The following GUCY1A2 variants were observed in gnomAD, a reference collection of about 807,000 sequenced individuals.
GUCY1A2 encodes the protein guanylate cyclase soluble subunit alpha-2.
A neutral mutation model predicts 63.5 loss-of-function variants in GUCY1A2; 27 were observed. The observed-to-expected ratio is 0.43, with a 90% CI of 0.31 to 0.59. The LOEUF (loss-of-function observed/expected upper bound fraction) is 0.59, where lower values mean the gene tolerates loss of function less well. Ranked by LOEUF, GUCY1A2 falls within the 20% of genes least tolerant of loss-of-function variation. GUCY1A2 has a pLI of 0.11. For missense variants in GUCY1A2, 768 were observed against 913.3 expected (o/e 0.84, Z 2.05); for synonymous variants, 364 against 343.5 (o/e 1.06, Z -0.66).
At chr11:106,897,471 AAT>A (rs1178401065) in intron 4 of GUCY1A2, among the ~76,000 whole-genome samples, 2 of 152,270 alleles carry the variant, frequency 1.3e-5, no homozygotes, top group East Asian at 3.9e-4. Context: ...CAGAAATCAA[AAT>A]AGAGTGGTAT....
chr11:106,994,619 C>T (rs778278214), intron 1 of GUCY1A2, among the ~76,000 whole-genome samples: 5 of 152,132 alleles, frequency 3.3e-5, no homozygotes, highest in Non-Finnish European at 7.4e-5. Flanking sequence ...TTTAATTATC[C>T]ACATTTCACG....
At chr11:106,735,129 T>C (rs1446416498) in intron 6 of GUCY1A2, among the ~76,000 whole-genome samples, 3 of 152,134 alleles carry the variant, frequency 2.0e-5, no homozygotes, top group African/African-American at 7.2e-5. Flanking sequence ...TAATCATTTA[T>C]TTGAGTTATA....
chr11:106,693,961 A>G (rs931364570), intron 7 of GUCY1A2, among the ~76,000 whole-genome samples: 1 of 152,154 alleles, frequency 6.6e-6, no homozygotes, highest in African/African-American at 2.4e-5. Context: ...AAGGCATTCA[A>G]CAAATTACTA....
intron 3 of GUCY1A2, among the ~76,000 whole-genome samples, chr11:106,970,277 T>G (rs931018312): frequency 6.6e-6 from 1 of 152,180 alleles, no homozygotes; most frequent in African/African-American, 2.4e-5. Flanking sequence ...CATTTCCCAG[T>G]GAATAAATGC....
At chr11:107,000,317 C>A (rs560099762) in intron 1 of GUCY1A2, among the ~76,000 whole-genome samples, 39 of 152,202 alleles carry the variant, frequency 2.6e-4, no homozygotes, top group Non-Finnish European at 4.1e-4. Context: ...TCTTCTCCAA[C>A]TTCCACACTA....
rs1379010007 is a variant in GUCY1A2 at position 106,675,305 on chromosome 11, C to T, written c.*12244G>A. The T allele has an allele frequency of 5.1e-6, 1 of 194,482 alleles. No individual in the cohort carries two copies. The highest frequency in any genetic ancestry group is 1.1e-5 in the Non-Finnish European group (1 of 94,274). The allele number at this position is 194,482 out of a possible 1,614,324, so 12.0% of individuals were successfully genotyped here. On this transcript the variant is annotated 3_prime_UTR_variant, in exon 8 of 8. Transcript: ENST00000526355. ...TTTTTTTAAATAAAGAAAAACCTTT[C>T]CATCCAACTTGAAGAAAAATCAGAA... is the stretch of plus-strand genomic sequence containing the variant.
intron 4 of GUCY1A2, among the ~76,000 whole-genome samples, chr11:106,885,451 T>A (rs1305329870): frequency 6.6e-6 from 1 of 152,068 alleles, no homozygotes; most frequent in Non-Finnish European, 1.5e-5. Flanking sequence ...TGGGAAAAAA[T>A]TCTCGAATGC....
chr11:106,873,592 C>T (rs1859710292), intron 4 of GUCY1A2, among the ~76,000 whole-genome samples: 1 of 152,056 alleles, frequency 6.6e-6, no homozygotes, highest in Non-Finnish European at 1.5e-5. Context: ...TGTTCATATC[C>T]TTTGCCCACT....
rs781424682 is a variant in GUCY1A2, at chr11:106,776,446, G to C, written c.1829C>G (p.Pro610Arg). Residue 610 changes from proline to arginine, a missense_variant, in exon 6 of 8, where the codon CCG becomes CGG. Coordinates refer to ENST00000526355, the MANE Select transcript of GUCY1A2 (RefSeq NM_000855.3). ...GATTGTTGGGAGGGTTACCTGAATC[G>C]GTCTTCCATCAGGTGTCAGCACCTC... ...SEEVLTPDGR[P>R]IQMRIGIHSG... 1.9e-5 allele frequency: 31 copies of C among 1,612,464 alleles called. No homozygotes were observed. The Admixed American group carries it at 3.8e-4, about 20-fold the overall frequency.
chr11:106,930,158 T>C (rs1175303042), intron 4 of GUCY1A2, among the ~76,000 whole-genome samples: 3 of 152,200 alleles, frequency 2.0e-5, no homozygotes, highest in Non-Finnish European at 4.4e-5. Context: ...TAAACATATT[T>C]GTGGAAGTCA....
At chr11:106,885,575 C>T (rs912227242) in intron 4 of GUCY1A2, among the ~76,000 whole-genome samples, 1 of 152,006 alleles carries the variant, frequency 6.6e-6, no homozygotes, top group African/African-American at 2.4e-5. Context: ...ACTATTATTG[C>T]CTTCCATTAC....
At chr11:106,714,194 G>C (rs761825876) in intron 6 of GUCY1A2, among the ~76,000 whole-genome samples, 12 of 151,774 alleles carry the variant, frequency 7.9e-5, no homozygotes, top group Non-Finnish European at 1.8e-4. Context: ...ATATCCTTGA[G>C]GGGGCAGAGG....
chr11:106,788,273 A>G (rs1344294789), intron 5 of GUCY1A2, among the ~76,000 whole-genome samples: 4 of 151,502 alleles, frequency 2.6e-5, no homozygotes. Context: ...AGCTCCTTAC[A>G]TATTCTGGTT....
At chr11:106,990,792 A>C (rs1333135416) in intron 1 of GUCY1A2, among the ~76,000 whole-genome samples, 1 of 152,190 alleles carries the variant, frequency 6.6e-6, no homozygotes. Flanking sequence ...GATGCCTTTG[A>C]GGCTCCCTCT....
intron 7 of GUCY1A2, among the ~76,000 whole-genome samples, chr11:106,698,138 T>TTTTTTTTTG (rs1555020237): frequency 4.1e-5 from 6 of 145,866 alleles, no homozygotes; most frequent in Non-Finnish European, 6.0e-5. Flanking sequence ...TTTTTTTTTT[T>TTTTTTTTTG]AGACAGGGTC....
In GUCY1A2 at chr11:106,917,647, C is replaced by T. The variant is rs1035787025; in HGVS notation, c.1206+21813G>A. On this transcript the variant is annotated intron_variant, in intron 4 of 7. Coordinates refer to ENST00000526355, the MANE Select transcript of GUCY1A2 (RefSeq NM_000855.3). ...GATGAGTTCATGTCCTTTGTAGGGACGTGGATGAAGCTGGAAACCATCATT... is the reference window on the plus strand; with the variant it reads ...GATGAGTTCATGTCCTTTGTAGGGATGTGGATGAAGCTGGAAACCATCATT... 4.2e-5 allele frequency among the ~76,000 whole-genome samples: 6 copies of T among 143,164 alleles called. 1 individual carries two copies. The Admixed American group carries it at 4.2e-4, about 10-fold the overall frequency. 93.9% of individuals were successfully genotyped at this position (143,164 alleles called of 152,430 possible).
At chr11:106,926,051 G>T (rs950047308) in intron 4 of GUCY1A2, among the ~76,000 whole-genome samples, 23 of 152,106 alleles carry the variant, frequency 1.5e-4, no homozygotes, top group African/African-American at 5.6e-4. Flanking sequence ...AATGAGTCAA[G>T]AATTAACAAG....
intron 3 of GUCY1A2, among the ~76,000 whole-genome samples, chr11:106,961,653 A>T (rs955799197): frequency 2.0e-5 from 3 of 152,242 alleles, no homozygotes; most frequent in Non-Finnish European, 4.4e-5. Flanking sequence ...GTGTGCTTCA[A>T]AAAAGAGTCA....
At chr11:106,935,820 C>A (rs1860667897) in intron 4 of GUCY1A2, among the ~76,000 whole-genome samples, 1 of 148,696 alleles carries the variant, frequency 6.7e-6, no homozygotes, top group African/African-American at 2.5e-5. Flanking sequence ...GCACTCCAGC[C>A]TGGGTGAGAC....
Sources: allele counts gnomAD v4.1 joint callset (sites outside exome capture counted in the v4.1 genomes callset), GRCh38; gene constraint gnomAD v4.1.1; transcripts MANE v1.5; gene names NCBI Gene and HGNC (gene_info 2026-07-23, HGNC 2026-07-21).